NBAS: variants seen among roughly 807,000 people sequenced by gnomAD.
The protein encoded by NBAS is NAG/BC035112 fusion.
A neutral mutation model predicts 302.5 loss-of-function variants in NBAS; 219 were observed. The ratio of observed to expected loss-of-function variants is 0.72; its 90% CI spans 0.65 to 0.81. The LOEUF is 0.81. NBAS is among the 30% of genes least tolerant of loss of function. The pLI is 0.00. For synonymous variants in NBAS, 1,118 were observed against 1,021.6 expected (o/e 1.09, Z -1.80); for missense variants, 2,932 against 2,841.6 (o/e 1.03, Z -0.72).
At chr2:15,379,902 G>T in intron 29 of NBAS, 71 bp from the exon 30 acceptor site, 1 of 1,427,326 alleles carries the variant, frequency 7.0e-7, no homozygotes, top group Non-Finnish European at 9.8e-7. Flanking sequence ...TGAAGGCTCT[G>T]AAATCCAAAT....
At chr2:14,983,636 C>T in the NBAS span, among the ~76,000 whole-genome samples, 12,069 of 152,176 alleles carry the variant, frequency 0.079, 1,241 homozygotes, top group African/African-American at 0.23. Context: ...AATAGGATTA[C>T]TTGGCAAGGG....
the NBAS span, among the ~76,000 whole-genome samples, chr2:15,098,074 G>GTATATAA: frequency 0.056 from 2 of 36 alleles, 1 homozygote; most frequent in Non-Finnish European, 0.083. Flanking sequence ...ATATTATATT[G>GTATATAA]TATATATTAT....
chr2:15,041,231 C>T, the NBAS span, among the ~76,000 whole-genome samples: 1 of 152,160 alleles, frequency 6.6e-6, no homozygotes, highest in African/African-American at 2.4e-5. Flanking sequence ...GAGCTGAGTC[C>T]CATGGGGGAG....
the NBAS span, among the ~76,000 whole-genome samples, chr2:14,949,118 G>A: frequency 1.3e-5 from 2 of 152,006 alleles, no homozygotes; most frequent in Non-Finnish European, 2.9e-5. Context: ...CTTAAACTAA[G>A]ACTTGAAACT....
intron 9 of NBAS, among the ~76,000 whole-genome samples, chr2:15,514,060 A>T (rs888303764): frequency 6.6e-6 from 1 of 152,152 alleles, no homozygotes; most frequent in Non-Finnish European, 1.5e-5. Flanking sequence ...ATTATTTTAG[A>T]TGTGCTAATG....
At chr2:15,429,496 G>A (rs757806880) in intron 21 of NBAS, among the ~76,000 whole-genome samples, 1 of 152,154 alleles carries the variant, frequency 6.6e-6, no homozygotes, top group Non-Finnish European at 1.5e-5. Context: ...TTGGTGAAGA[G>A]ATTGGTCTTC....
At chr2:15,315,390 C>A (rs950872999) in intron 38 of NBAS, among the ~76,000 whole-genome samples, 3 of 152,084 alleles carry the variant, frequency 2.0e-5, no homozygotes, top group African/African-American at 7.2e-5. Context: ...GAGTTCACTG[C>A]AAAATTATTT....
At chr2:15,276,722 CG>C in intron 43 of NBAS, 128 bp downstream of exon 43, 1 of 1,357,130 alleles carries the variant, frequency 7.4e-7, no homozygotes, top group East Asian at 2.4e-5. Context: ...TAACTAAAGT[CG>C]ATTAGCTTCA....
the NBAS span, among the ~76,000 whole-genome samples, chr2:14,977,918 G>T: frequency 6.6e-6 from 1 of 152,018 alleles, no homozygotes; most frequent in African/African-American, 2.4e-5. Context: ...CCATCAAGTT[G>T]CATAGTTTGA....
chr2:15,513,893 G>C (rs181954605), intron 9 of NBAS, among the ~76,000 whole-genome samples: 3 of 152,102 alleles, frequency 2.0e-5, no homozygotes, highest in Admixed American at 2.0e-4. Flanking sequence ...GGATGAGGTG[G>C]GAGAATCGCT....
chr2:15,025,965 T>C, the NBAS span, among the ~76,000 whole-genome samples: 1 of 152,192 alleles, frequency 6.6e-6, no homozygotes, highest in African/African-American at 2.4e-5. Context: ...TTCCTTCTCT[T>C]GCCTGATTGC....
At chr2:15,008,429 C>T in the NBAS span, among the ~76,000 whole-genome samples, 1 of 152,214 alleles carries the variant, frequency 6.6e-6, no homozygotes, top group African/African-American at 2.4e-5. Flanking sequence ...GACATAACCT[C>T]TCACTCCAAG....
intron 48 of NBAS, among the ~76,000 whole-genome samples, chr2:15,211,028 A>G (rs924758070): frequency 7.9e-5 from 12 of 152,182 alleles, no homozygotes; most frequent in African/African-American, 2.4e-4. Context: ...GTAGAAAAAA[A>G]GAGTTAGAAT....
the NBAS span, among the ~76,000 whole-genome samples, chr2:15,036,811 C>T: frequency 6.6e-6 from 1 of 152,118 alleles, no homozygotes; most frequent in Admixed American, 6.5e-5. Context: ...GACCTTGACT[C>T]TCAGAGGGGT....
chr2:14,913,728 A>AT, the NBAS span, among the ~76,000 whole-genome samples: 1 of 152,188 alleles, frequency 6.6e-6, no homozygotes, highest in Admixed American at 6.5e-5. Flanking sequence ...TACAGTAATG[A>AT]TCCCATGAAG....
At chr2:14,970,302 T>G in the NBAS span, among the ~76,000 whole-genome samples, 1 of 152,210 alleles carries the variant, frequency 6.6e-6, no homozygotes, top group Admixed American at 6.5e-5. Context: ...TCTTCAATGA[T>G]TCCAACATGC....
At chr2:15,065,613 A>T in the NBAS span, among the ~76,000 whole-genome samples, 1 of 152,146 alleles carries the variant, frequency 6.6e-6, no homozygotes, top group Non-Finnish European at 1.5e-5. Flanking sequence ...CCAAAAAGGA[A>T]ATTAGGAAAA....
At chr2:14,933,392 A>G in the NBAS span, among the ~76,000 whole-genome samples, 1 of 152,202 alleles carries the variant, frequency 6.6e-6, no homozygotes, top group Non-Finnish European at 1.5e-5. Flanking sequence ...GCTGCCTGTA[A>G]AAGTGGAGAA....
At position 15,421,556 on chromosome 2, in the gene NBAS, A is replaced by G. The variant is rs534519987; in HGVS notation, c.2577+2759T>C. 9.2e-5 allele frequency among the ~76,000 whole-genome samples: 14 copies of G among 152,060 alleles called. No individual in the cohort carries two copies. The East Asian group carries it at 1.9e-3, about 21-fold the overall frequency. The stretch of plus-strand genomic sequence containing the variant: ...CTCTAAAAATGAAAAAGATAAAACT[A>G]TGTCAGATATCACTTTGATCACAGC... On this transcript the variant is annotated intron_variant, in intron 23 of 51. Coordinates refer to ENST00000281513, the MANE Select transcript of NBAS (RefSeq NM_015909.4).
Sources: allele counts gnomAD v4.1 joint callset (sites outside exome capture counted in the v4.1 genomes callset), GRCh38; gene constraint gnomAD v4.1.1; transcripts MANE v1.5; gene names NCBI Gene and HGNC (gene_info 2026-07-23, HGNC 2026-07-21).